Variants in GNAO1 observed in about 807,000 individuals in gnomAD.
The protein encoded by GNAO1 is guanine nucleotide-binding protein G(o) subunit alpha.
For synonymous variants in GNAO1, 164 were observed against 180.7 expected (o/e 0.91, Z 0.74); for missense variants, 166 against 478.7 (o/e 0.35, Z 6.10).
chr16:56,330,705 C>T (rs1020644885), intron 4 of GNAO1, among the ~76,000 whole-genome samples: 58 of 152,224 alleles, frequency 3.8e-4, no homozygotes, highest in African/African-American at 9.7e-4. Context: ...CCTTCACCTC[C>T]GGCTTTTTGC....
At chr16:56,269,698 A>C (rs1451204142) in intron 2 of GNAO1, among the ~76,000 whole-genome samples, 2 of 152,166 alleles carry the variant, frequency 1.3e-5, no homozygotes, top group East Asian at 3.9e-4. Context: ...GGCGCTGATA[A>C]AGGGAGCAGA....
chr16:56,319,176 A>C (rs2037545442), intron 3 of GNAO1, among the ~76,000 whole-genome samples: 1 of 152,190 alleles, frequency 6.6e-6, no homozygotes, highest in Non-Finnish European at 1.5e-5. Flanking sequence ...CAAGTGTTAA[A>C]AGTGCAGTTT....
chr16:56,334,756 G>C lies in GNAO1; in HGVS notation c.492G>C (p.Gly164=), dbSNP rs773630438. Residue 164 remains glycine, a synonymous_variant, in exon 5 of 9, where the codon GGG becomes GGC. Coordinates refer to ENST00000262493, the MANE Select transcript of GNAO1 (RefSeq NM_020988.3). ...KYYLDSLDRI[G]AADYQPTEQD... is the part of the protein sequence containing the mutation. ...ACCTGGACAGCCTGGATCGGATTGGGGCCGCCGACTACCAGCCCACCGAGC... is the reference window on the plus strand; with the variant it reads ...ACCTGGACAGCCTGGATCGGATTGGCGCCGCCGACTACCAGCCCACCGAGC... 1.9e-6 allele frequency: 3 copies of C among 1,613,992 alleles called. No individual in the cohort carries two copies. Among genetic ancestry groups the C allele is most frequent in the Non-Finnish European group, 2.5e-6 (3 of 1,179,996 alleles).
intron 3 of GNAO1, chr16:56,308,111 A>G (rs1254648895): frequency 1.3e-5 from 2 of 152,180 alleles, no homozygotes; most frequent in African/African-American, 4.8e-5. Context: ...AAGGAGGAAG[A>G]GTGGAGCCAA....
chr16:56,266,248 G>C (rs2143496622), intron 2 of GNAO1, among the ~76,000 whole-genome samples: 1 of 152,294 alleles, frequency 6.6e-6, no homozygotes, highest in Middle Eastern at 3.4e-3. Flanking sequence ...AGTCAGTTCT[G>C]TTAGATGAGA....
rs1162788739 is a variant in GNAO1 at position 56,217,469 on chromosome 16, CAT to C, written c.161+24855_161+24856del. On this transcript the variant is annotated intron_variant, in intron 2 of 8. Transcript: ENST00000262493. ...GAGTTTAAAAATCACATAAAACTGACATAGTGGATTCTTTGCTGCCTAAGGGG... is the reference window on the plus strand; with the variant it reads ...GAGTTTAAAAATCACATAAAACTGACAGTGGATTCTTTGCTGCCTAAGGGG... 2.0e-5 allele frequency among the ~76,000 whole-genome samples: 3 copies of C among 152,176 alleles called. 1 individual carries two copies. The highest frequency in any genetic ancestry group is 1.9e-4 in the East Asian group (1 of 5,200).
chr16:56,200,175 G>A (rs1391091296), intron 2 of GNAO1, among the ~76,000 whole-genome samples: 1 of 152,156 alleles, frequency 6.6e-6, no homozygotes, highest in Non-Finnish European at 1.5e-5. Context: ...ATTGCACATT[G>A]TGAATTAATT....
intron 4 of GNAO1, among the ~76,000 whole-genome samples, chr16:56,332,719 C>T (rs1292991443): frequency 6.6e-6 from 1 of 152,372 alleles, no homozygotes; most frequent in South Asian, 2.1e-4. Context: ...ACAGCCGTCT[C>T]CTTGCATGAG....
In GNAO1 at chr16:56,276,088, C is replaced by T. The variant is rs1215275387; in HGVS notation, c.303+16C>T. The T allele has an allele frequency of 1.9e-6, 3 of 1,606,872 alleles. No individual in the cohort carries two copies. Among genetic ancestry groups the T allele is most frequent in the Non-Finnish European group, 2.6e-6 (3 of 1,176,022 alleles). On this transcript the variant is annotated intron_variant, in intron 3 of 8. Transcript: ENST00000262493. ...GGAGAGAAAGGTAGGCCCCTGAGCC[C>T]ATAAGCACAGCAACAAGAGGTTCTG...
intron 2 of GNAO1, among the ~76,000 whole-genome samples, chr16:56,237,472 G>A (rs1487922624): frequency 6.6e-6 from 1 of 152,096 alleles, no homozygotes; most frequent in Non-Finnish European, 1.5e-5. Context: ...GGAGAGAGGA[G>A]AAACCATGCG....
chr16:56,297,833 G>A (rs1395853702), intron 3 of GNAO1, among the ~76,000 whole-genome samples: 2 of 152,032 alleles, frequency 1.3e-5, no homozygotes, highest in Non-Finnish European at 2.9e-5. Context: ...GCTGGGTCAG[G>A]GAGTGTGTAT....
chr16:56,191,788 G>A lies in GNAO1; in HGVS notation c.-448G>A, dbSNP rs2036175240. 2 of 212,638 alleles carry A rather than the reference G, an allele frequency of 9.4e-6. No homozygotes were observed. Among genetic ancestry groups the A allele is most frequent in the Non-Finnish European group, 1.9e-5 (2 of 107,952 alleles). 13.2% of individuals were successfully genotyped at this position (212,638 alleles called of 1,614,324 possible). Reference sequence around the variant, plus strand: ...CGCCTCCTCCACCTCCTCCTCCGCCGCCGCCGCCTCCTCCTCCTCCGGCAG... The same window carrying A: ...CGCCTCCTCCACCTCCTCCTCCGCCACCGCCGCCTCCTCCTCCTCCGGCAG... On this transcript the variant is annotated 5_prime_UTR_variant, in exon 1 of 9. Coordinates refer to ENST00000262493, the MANE Select transcript of GNAO1 (RefSeq NM_020988.3). This position sits in a 1 kb window ranked among gnomAD's most constrained non-coding sequence, Gnocchi z 4.7.
intron 2 of GNAO1, chr16:56,270,655 A>T (rs939785663): frequency 6.6e-6 from 1 of 152,216 alleles, no homozygotes; most frequent in African/African-American, 2.4e-5. Flanking sequence ...AAAAATTAGT[A>T]AACAAGTCTT....
At chr16:56,264,493 G>T (rs1210562751) in intron 2 of GNAO1, among the ~76,000 whole-genome samples, 1 of 152,328 alleles carries the variant, frequency 6.6e-6, no homozygotes, top group Admixed American at 6.5e-5. Context: ...CCCTGGCTCT[G>T]TCTGGTGACA....
chr16:56,195,478 C>T (rs551007470), intron 2 of GNAO1, among the ~76,000 whole-genome samples: 1 of 152,234 alleles, frequency 6.6e-6, no homozygotes, highest in Non-Finnish European at 1.5e-5. Flanking sequence ...GGCCACTTGA[C>T]TGAGAGTCAC....
intron 2 of GNAO1, chr16:56,235,316 C>T (rs1383339714): frequency 2.2e-6 from 1 of 455,866 alleles, no homozygotes; most frequent in African/African-American, 2.0e-5. Context: ...AAGACAGAAG[C>T]TTAGACAGAG....
intron 2 of GNAO1, among the ~76,000 whole-genome samples, chr16:56,266,912 G>A (rs1169616976): frequency 6.6e-6 from 1 of 151,868 alleles, no homozygotes; most frequent in Non-Finnish European, 1.5e-5. Flanking sequence ...TTCTCTAGGG[G>A]ATTTGGGCTG....
chr16:56,285,451 T>C (rs2143544963), intron 3 of GNAO1, among the ~76,000 whole-genome samples: 2 of 151,644 alleles, frequency 1.3e-5, no homozygotes, highest in Middle Eastern at 6.8e-3. Context: ...ACTGACCGCC[T>C]CCCCTCTGGA....
chr16:56,300,767 T>C (rs562474780), intron 3 of GNAO1: 21 of 152,274 alleles, frequency 1.4e-4, no homozygotes, highest in Non-Finnish European at 2.6e-4. Context: ...ATCAGCATCC[T>C]GCTCCCACTT....
Sources: allele counts gnomAD v4.1 joint callset (sites outside exome capture counted in the v4.1 genomes callset), GRCh38; gene constraint gnomAD v4.1.1; non-coding constraint Gnocchi (gnomAD v3.1); transcripts MANE v1.5; gene names NCBI Gene and HGNC (gene_info 2026-07-23, HGNC 2026-07-21).